Variants in CELF2 observed in about 807,000 individuals in gnomAD.
The protein encoded by CELF2 is CUG triplet repeat RNA-binding protein 2.
CELF2 carries 8 observed loss-of-function variants against 62.6 expected under a neutral mutation model. That is an observed-to-expected ratio of 0.13 (90% CI 0.07 to 0.23). The LOEUF is 0.23. CELF2 is among the 10% of genes least tolerant of loss of function. The pLI is 1.00. For missense variants in CELF2, 333 were observed against 671.0 expected, an observed-to-expected ratio of 0.50 and a Z score of 5.56; for synonymous variants, 258 against 250.0, an observed-to-expected ratio of 1.03 and a Z score of -0.30.
At chr10:11,103,570 G>T (rs538153312) in intron 1 of CELF2, among the ~76,000 whole-genome samples, 4 of 148,742 alleles carry the variant, frequency 2.7e-5, no homozygotes, top group Middle Eastern at 3.5e-3. Context: ...ATATGCAAAG[G>T]GGGGAATTAG....
At chr10:10,774,672 G>A in the CELF2 span, among the ~76,000 whole-genome samples, 20 of 152,234 alleles carry the variant, frequency 1.3e-4, no homozygotes, top group African/African-American at 3.6e-4. Flanking sequence ...GCCTGAGGAA[G>A]CCTGAGCCAA....
At chr10:10,619,735 T>C in the CELF2 span, among the ~76,000 whole-genome samples, 22 of 152,320 alleles carry the variant, frequency 1.4e-4, no homozygotes, top group African/African-American at 4.8e-4. Flanking sequence ...ATCTTGAAGA[T>C]AGGAGAAGTT....
At chr10:10,738,416 C>G in the CELF2 span, among the ~76,000 whole-genome samples, 4 of 152,130 alleles carry the variant, frequency 2.6e-5, no homozygotes, top group African/African-American at 9.7e-5. Context: ...AGCGGAGAAG[C>G]CTGACAAACA....
In CELF2 at chr10:11,268,273, C is replaced by T. The variant is rs951564928; in HGVS notation, c.618+1596C>T. On this transcript the variant is annotated intron_variant, in intron 6 of 12. Transcript: ENST00000633077. This position sits in a 1 kb window ranked among gnomAD's most constrained non-coding sequence, Gnocchi z 4.7. ...TTACTTGTATTATCTTCCATATACG[C>T]GTTTCATTCTTATTTTTATTTCTTG... Among the ~76,000 whole-genome samples, 1 of 152,002 alleles carries T rather than the reference C, an allele frequency of 6.6e-6. No individual in the cohort carries two copies. Among genetic ancestry groups the T allele is most frequent in the African/African-American group, 2.4e-5 (1 of 41,344 alleles).
chr10:11,081,379 GTT>G (rs2073990878), intron 1 of CELF2, among the ~76,000 whole-genome samples: 1 of 152,162 alleles, frequency 6.6e-6, no homozygotes, highest in Non-Finnish European at 1.5e-5. Flanking sequence ...GAAAACTCAA[GTT>G]TAACTAGCAT....
intron 1 of CELF2, among the ~76,000 whole-genome samples, chr10:11,126,536 C>G (rs1358819181): frequency 6.6e-6 from 1 of 152,096 alleles, no homozygotes; most frequent in Non-Finnish European, 1.5e-5. Context: ...TTCAATAATT[C>G]CCTAAAAATG....
At chr10:10,905,928 G>A (rs930750775) in intron 1 of CELF2, among the ~76,000 whole-genome samples, 26 of 151,094 alleles carry the variant, frequency 1.7e-4, no homozygotes, top group Admixed American at 4.6e-4. Context: ...ATACTTAGCC[G>A]GGCATGGTGG....
the CELF2 span, among the ~76,000 whole-genome samples, chr10:10,493,364 G>A: frequency 9.6e-3 from 1,461 of 151,972 alleles, 14 homozygotes; most frequent in African/African-American, 0.034. Context: ...TGGTGGAGAC[G>A]GTTCCACAAA....
At chr10:11,182,307 C>G (rs1196758145) in intron 2 of CELF2, among the ~76,000 whole-genome samples, 1 of 152,228 alleles carries the variant, frequency 6.6e-6, no homozygotes, top group Admixed American at 6.5e-5. Context: ...CTCTACTTTC[C>G]TAGATCCCGT....
At chr10:11,106,792 G>A (rs1443513999) in intron 1 of CELF2, among the ~76,000 whole-genome samples, 2 of 152,228 alleles carry the variant, frequency 1.3e-5, no homozygotes, top group Non-Finnish European at 2.9e-5. Context: ...TTGCAGTTGT[G>A]GTTCTGTTTA....
the CELF2 span, among the ~76,000 whole-genome samples, chr10:10,612,191 T>C: frequency 6.6e-6 from 1 of 152,024 alleles, no homozygotes; most frequent in Non-Finnish European, 1.5e-5. Flanking sequence ...ATGAAAAAAA[T>C]CTCATTGAGG....
At chr10:10,874,816 C>CATTT (rs2060982643) in intron 1 of CELF2, among the ~76,000 whole-genome samples, 1 of 152,132 alleles carries the variant, frequency 6.6e-6, no homozygotes, top group African/African-American at 2.4e-5. Context: ...ATGACACAAG[C>CATTT]ATTTCAATAC....
intron 7 of CELF2, among the ~76,000 whole-genome samples, chr10:11,272,168 G>A (rs2084059546): frequency 6.6e-6 from 1 of 152,176 alleles, no homozygotes; most frequent in South Asian, 2.1e-4. Flanking sequence ...CCTCTGTGCT[G>A]CTAGCAAAAG....
the CELF2 span, among the ~76,000 whole-genome samples, chr10:10,601,389 C>A: frequency 6.6e-6 from 1 of 152,256 alleles, no homozygotes; most frequent in Admixed American, 6.5e-5. Flanking sequence ...TGTCGTGGAT[C>A]TCTAGTGAGG....
chr10:10,969,616 G>T (rs569259549), intron 2 of CELF2, among the ~76,000 whole-genome samples: 50 of 151,342 alleles, frequency 3.3e-4, no homozygotes, highest in African/African-American at 1.2e-3. Flanking sequence ...CCCATTCTCT[G>T]TCATTGTGCA....
the CELF2 span, among the ~76,000 whole-genome samples, chr10:10,690,175 T>C: frequency 6.6e-6 from 1 of 152,232 alleles, no homozygotes; most frequent in African/African-American, 2.4e-5. Flanking sequence ...TCCTCCTTGC[T>C]GAAGATTTTC....
At chr10:10,585,344 T>G in the CELF2 span, among the ~76,000 whole-genome samples, 2 of 152,284 alleles carry the variant, frequency 1.3e-5, no homozygotes, top group African/African-American at 4.8e-5. Flanking sequence ...AGCCATTCAT[T>G]TGTCAGCAAA....
At chr10:11,092,434 A>G (rs2048571856) in intron 1 of CELF2, 2 of 152,234 alleles carry the variant, frequency 1.3e-5, no homozygotes, top group African/African-American at 4.8e-5. Flanking sequence ...TGCAAGGTTC[A>G]TAGCTGAGAC....
Position 11,288,673 on chromosome 10 carries a change from T to C in CELF2, c.976+121T>C. The C allele has an allele frequency of 2.8e-6, 3 of 1,078,060 alleles. No homozygotes were observed. The South Asian group carries it at 5.0e-5, about 18-fold the overall frequency. The allele number at this position is 1,078,060 out of a possible 1,614,324, so 66.8% of individuals were successfully genotyped here. The stretch of plus-strand genomic sequence containing the variant: ...CCAGGATGGAGCCGGGATACTATAC[T>C]GGGCTGCTTTATGTCATTGGGTTAT... On this transcript the variant is annotated intron_variant, in intron 9 of 12. Transcript: ENST00000633077.
Sources: allele counts gnomAD v4.1 joint callset (sites outside exome capture counted in the v4.1 genomes callset), GRCh38; gene constraint gnomAD v4.1.1; non-coding constraint Gnocchi (gnomAD v3.1); transcripts MANE v1.5; gene names NCBI Gene and HGNC (gene_info 2026-07-23, HGNC 2026-07-21).